Variants in TTLL6 observed in about 807,000 individuals in gnomAD.
The protein encoded by TTLL6 is tubulin polyglutamylase TTLL6.
A neutral mutation model predicts 96.4 loss-of-function variants in TTLL6; 75 were observed. The observed-to-expected ratio is 0.78, with a 90% CI of 0.65 to 0.94. The LOEUF (loss-of-function observed/expected upper bound fraction) is 0.94. Among genes scored for constraint, TTLL6 ranks in the 40% least tolerant of loss-of-function variants. The probability of loss-of-function intolerance (pLI) is 0.00; values close to 1 mark genes in which losing one functional copy is unlikely to be tolerated. For synonymous variants in TTLL6, 411 were observed against 419.4 expected (o/e 0.98, Z 0.24); for missense variants, 1,030 against 1,093.0 (o/e 0.94, Z 0.81).
intron 1 of TTLL6, among the ~76,000 whole-genome samples, chr17:48,805,972 G>C (rs1251662847): frequency 6.6e-6 from 1 of 152,208 alleles, no homozygotes; most frequent in African/African-American, 2.4e-5. Context: ...AGCCAGGCAT[G>C]GTGGTGCATG....
intron 11 of TTLL6, among the ~76,000 whole-genome samples, chr17:48,787,257 A>G (rs958174701): frequency 6.6e-6 from 1 of 152,186 alleles, no homozygotes; most frequent in Non-Finnish European, 1.5e-5. Context: ...GTGTGAATCC[A>G]TGAGGCAGCT....
At position 48,790,080 on chromosome 17, in the gene TTLL6, G is replaced by T; in HGVS notation, c.1251C>A (p.Thr417=). 1 of 1,613,974 alleles carries T rather than the reference G, an allele frequency of 6.2e-7. No individual in the cohort carries two copies. Among genetic ancestry groups the T allele is most frequent in the African/African-American group, 1.3e-5 (1 of 75,038 alleles). Residue 417 remains threonine (T), a synonymous_variant, in exon 10 of 16, where the codon ACC becomes ACA. Coordinates refer to ENST00000393382, the MANE Select transcript of TTLL6 (RefSeq NM_001130918.3). ...LEVNHSPSFS[T]DSRLDKEVKD... is the part of the protein sequence containing the mutation. Reference sequence around the variant, plus strand: ...TCACCTCTTTATCCAACCGAGAGTCGGTGGAGAAGCTTGGAGAGTGGTTGA... The same window carrying T: ...TCACCTCTTTATCCAACCGAGAGTCTGTGGAGAAGCTTGGAGAGTGGTTGA...
intron 13 of TTLL6, among the ~76,000 whole-genome samples, chr17:48,774,444 G>A (rs148884770): frequency 1.4e-3 from 220 of 151,780 alleles, no homozygotes; most frequent in Non-Finnish European, 2.5e-3. Context: ...GATTACAGGC[G>A]TGAGCCACTA....
chr17:48,810,772 A>AGTGT (rs1421216688), intron 1 of TTLL6, among the ~76,000 whole-genome samples: 3 of 129,544 alleles, frequency 2.3e-5, no homozygotes, highest in African/African-American at 8.9e-5. Flanking sequence ...ACACATATAT[A>AGTGT]GTATGTGTGT....
intron 13 of TTLL6, among the ~76,000 whole-genome samples, chr17:48,778,014 C>T (rs1040156853): frequency 2.6e-5 from 4 of 152,054 alleles, no homozygotes; most frequent in Non-Finnish European, 5.9e-5. Flanking sequence ...CGGTGGCTCA[C>T]GCCTGTAATC....
rs1330583246 is a variant in TTLL6 at position 48,797,174 on chromosome 17, G to T, written c.799C>A (p.Leu267Ile). Reference sequence around the variant, plus strand: ...GATGTCACCAGTACATAAATCCGTAGGTCAAACTTAAACCCATCAATGATA... The same window carrying T: ...GATGTCACCAGTACATAAATCCGTATGTCAAACTTAAACCCATCAATGATA... Reference protein sequence around the residue: ...PFIIDGFKFDLRIYVLVTSCD... With the variant: ...PFIIDGFKFDIRIYVLVTSCD... Residue 267 changes from leucine (L) to isoleucine (I), a missense_variant, in exon 7 of 16, where the codon CTA becomes ATA. Physicochemically the swap from Leu to Ile is conservative, Grantham distance 5. Transcript: ENST00000393382. 1.3e-6 allele frequency: 2 copies of T among 1,551,394 alleles called. No individual in the cohort carries two copies. Among genetic ancestry groups the T allele is most frequent in the Non-Finnish European group, 1.7e-6 (2 of 1,146,880 alleles).
chr17:48,779,718 G>A (rs1442278309), intron 13 of TTLL6, among the ~76,000 whole-genome samples: 20 of 152,206 alleles, frequency 1.3e-4, no homozygotes, highest in Admixed American at 1.2e-3. Flanking sequence ...TATCTGTACA[G>A]TGAAATACAA....
intron 10 of TTLL6, among the ~76,000 whole-genome samples, 163 bp from the exon 11 acceptor site, chr17:48,788,162 G>A (rs563867571): frequency 1.1e-4 from 17 of 152,322 alleles, no homozygotes; most frequent in African/African-American, 3.8e-4. Flanking sequence ...TCCCTGAAAG[G>A]AGATTCTAGC....
Position 48,799,603 on chromosome 17 carries a change from C to T in TTLL6, c.768+1G>A, listed in dbSNP as rs191694871. ...AATAAATAATCACAATGAGGAAGTA[C>T]CTTTGAAATATACAGCTGACAGATC... On this transcript the variant is annotated splice_donor_variant, in intron 6 of 15. Coordinates refer to ENST00000393382, the MANE Select transcript of TTLL6 (RefSeq NM_001130918.3). LOFTEE classifies it high-confidence loss of function. 536 of 1,551,660 alleles carry T rather than the reference C, an allele frequency of 3.5e-4. 1 individual carries two copies. The African/African-American group carries it at 6.7e-3, about 19-fold the overall frequency.
At chr17:48,782,435 G>A (rs879735418) in intron 13 of TTLL6, among the ~76,000 whole-genome samples, 6 of 152,108 alleles carry the variant, frequency 3.9e-5, no homozygotes, top group Non-Finnish European at 5.9e-5. Flanking sequence ...GATTACAGGC[G>A]TGAGCCACTG....
intron 1 of TTLL6, among the ~76,000 whole-genome samples, chr17:48,811,932 C>T (rs1414067350): frequency 1.3e-5 from 2 of 152,118 alleles, no homozygotes; most frequent in Admixed American, 1.3e-4. Flanking sequence ...AATTCCTGAA[C>T]TCAGGTGATC....
intron 13 of TTLL6, among the ~76,000 whole-genome samples, chr17:48,776,049 T>C (rs2038863862): frequency 6.6e-6 from 1 of 152,020 alleles, no homozygotes; most frequent in Admixed American, 6.6e-5. Context: ...TCCTAGCCAG[T>C]GCAATAAAGC....
At chr17:48,816,360 G>A (rs1189502633) in intron 1 of TTLL6, among the ~76,000 whole-genome samples, 4 of 150,752 alleles carry the variant, frequency 2.7e-5, no homozygotes, top group Non-Finnish European at 4.4e-5. Context: ...GGAGTGCCTC[G>A]CACATACTGG....
chr17:48,780,955 T>C (rs894999981), intron 13 of TTLL6, among the ~76,000 whole-genome samples: 2 of 152,170 alleles, frequency 1.3e-5, no homozygotes, highest in African/African-American at 4.8e-5. Context: ...GCAATGAACA[T>C]GGGTGTGCAA....
rs1396154329 is a variant in TTLL6 at position 48,797,076 on chromosome 17, A to C, written c.897T>G (p.Pro299=). ...CTTAGCTCACCAGGTTGTCTGTGCA[A>C]GGGCGGGAGTAAGAGGTCGTCGCAA... The part of the protein sequence containing the change: ...ARFATTSYSR[P]CTDNLDDICM... Residue 299 remains proline, a synonymous_variant, in exon 7 of 16, where the codon CCT becomes CCG. Coordinates refer to ENST00000393382, the MANE Select transcript of TTLL6 (RefSeq NM_001130918.3). The C allele has an allele frequency of 6.4e-7, 1 of 1,551,276 alleles. No individual in the cohort carries two copies. Among genetic ancestry groups the C allele is most frequent in the African/African-American group, 1.4e-5 (1 of 72,948 alleles).
At position 48,796,934 on chromosome 17, in the gene TTLL6, C is replaced by G. The variant is rs555439429; in HGVS notation, c.912+127G>C. 5 of 1,123,112 alleles carry G rather than the reference C, an allele frequency of 4.5e-6. No homozygotes were observed. The Admixed American group carries it at 1.4e-4, about 32-fold the overall frequency. The allele number at this position is 1,123,112 out of a possible 1,614,324, so 69.6% of individuals were successfully genotyped here. A position where few individuals can be genotyped will look rare whatever the true frequency, so the allele number is the denominator to read the frequency against. On this transcript the variant is annotated intron_variant, in intron 7 of 15. Coordinates refer to ENST00000393382, the MANE Select transcript of TTLL6 (RefSeq NM_001130918.3). ...GGGATCCTGGCAGCGCTAAATGAAA[C>G]CCGGCACATAGCAAGTGCTCAACAA...
At chr17:48,811,259 G>A (rs117387941) in intron 1 of TTLL6, among the ~76,000 whole-genome samples, 3,012 of 151,576 alleles carry the variant, frequency 0.02, 40 homozygotes, top group Middle Eastern at 0.038. Flanking sequence ...AGTAGAGAAC[G>A]GAGTTTTATC....
intron 7 of TTLL6, among the ~76,000 whole-genome samples, chr17:48,796,693 T>TG (rs1555567209): frequency 6.6e-6 from 1 of 151,948 alleles, no homozygotes; most frequent in Non-Finnish European, 1.5e-5. Context: ...TCAGGAGTCC[T>TG]GGGGGTCCAG....
chr17:48,796,349 T>A (rs1009240465), intron 7 of TTLL6, among the ~76,000 whole-genome samples: 24 of 152,294 alleles, frequency 1.6e-4, no homozygotes, highest in African/African-American at 5.1e-4. Flanking sequence ...CTGCTGGGCG[T>A]GGTGGCTCAT....
Sources: allele counts gnomAD v4.1 joint callset (sites outside exome capture counted in the v4.1 genomes callset), GRCh38; gene constraint gnomAD v4.1.1; transcripts MANE v1.5; gene names NCBI Gene and HGNC (gene_info 2026-07-23, HGNC 2026-07-21).